The following KCNMA1 variants were observed in gnomAD, a reference collection of about 807,000 sequenced individuals.
KCNMA1 encodes the protein Calcium-activated potassium channel subunit alpha-1.
Under a neutral mutation model 140.0 loss-of-function variants are expected in KCNMA1, and 29 were observed. The ratio of observed to expected loss-of-function variants is 0.21; its 90% CI spans 0.15 to 0.28. The LOEUF (loss-of-function observed/expected upper bound fraction) is 0.28. KCNMA1 is among the 10% of genes least tolerant of loss of function. The pLI is 1.00. For synonymous variants in KCNMA1, 612 were observed against 611.9 expected (o/e 1.00, Z 0.00); for missense variants, 880 against 1,602.2 (o/e 0.55, Z 7.70).
chr10:77,432,183 G>A (rs1329536867), intron 1 of KCNMA1, among the ~76,000 whole-genome samples: 1 of 152,196 alleles, frequency 6.6e-6, no homozygotes, highest in East Asian at 1.9e-4. Flanking sequence ...AGTGCTTAAT[G>A]AGAGGCCAAA....
chr10:77,012,565 G>A (rs1202459562), intron 17 of KCNMA1: 1 of 1,549,400 alleles, frequency 6.5e-7, no homozygotes, highest in South Asian at 1.2e-5. Context: ...GGTCTGCAGA[G>A]AGGGAAAAAC....
chr10:76,909,491 G>A (rs1246343088), intron 25 of KCNMA1, among the ~76,000 whole-genome samples: 1 of 152,114 alleles, frequency 6.6e-6, no homozygotes, highest in East Asian at 1.9e-4. Flanking sequence ...TCAAGGTTCT[G>A]CAGGTCTAAC....
intron 1 of KCNMA1, among the ~76,000 whole-genome samples, chr10:77,486,641 T>C (rs542882821): frequency 1.3e-5 from 2 of 152,362 alleles, no homozygotes; most frequent in African/African-American, 4.8e-5. Context: ...CTGTTATTAA[T>C]GATGGGTACA....
chr10:77,382,990 GTGTGTA>G (rs1470902859), intron 2 of KCNMA1, among the ~76,000 whole-genome samples: 90 of 42,578 alleles, frequency 2.1e-3, no homozygotes, highest in South Asian at 2.8e-3. Flanking sequence ...GTGTGTGTGT[GTGTGTA>G]TATATATATA....
intron 1 of KCNMA1, among the ~76,000 whole-genome samples, chr10:77,601,162 T>A (rs2082516308): frequency 6.6e-6 from 1 of 152,164 alleles, no homozygotes; most frequent in South Asian, 2.1e-4. Context: ...TGATCTCCTT[T>A]GAGCTTCACA....
intron 5 of KCNMA1, chr10:77,140,905 CA>C (rs1173536947): frequency 1.3e-5 from 2 of 152,200 alleles, no homozygotes; most frequent in Non-Finnish European, 2.9e-5. Context: ...TATAATTCCT[CA>C]AATCAAGTGG....
chr10:77,082,275 C>G (rs2096598995), intron 12 of KCNMA1, among the ~76,000 whole-genome samples: 1 of 152,048 alleles, frequency 6.6e-6, no homozygotes, highest in South Asian at 2.1e-4. Context: ...GATCTGCCCA[C>G]CTTGGCCTCC....
intron 9 of KCNMA1, among the ~76,000 whole-genome samples, chr10:77,101,477 G>A (rs1465014100): frequency 6.6e-6 from 1 of 152,168 alleles, no homozygotes; most frequent in African/African-American, 2.4e-5. Context: ...ATAAAGATCG[G>A]TTATTGGGGC....
intron 1 of KCNMA1, among the ~76,000 whole-genome samples, chr10:77,475,400 G>C (rs911672897): frequency 1.3e-5 from 2 of 152,144 alleles, no homozygotes; most frequent in Middle Eastern, 3.2e-3. Flanking sequence ...AGATGCTTTA[G>C]GATTGTGGTT....
chr10:77,039,736 G>T (rs1489452362), intron 14 of KCNMA1, 99 bp from the exon 15 acceptor site: 1 of 757,202 alleles, frequency 1.3e-6, no homozygotes, highest in Non-Finnish European at 2.4e-6. Flanking sequence ...GAATGCACTG[G>T]TTAGATAATG....
chr10:77,411,041 C>A (rs2096607832), intron 1 of KCNMA1, among the ~76,000 whole-genome samples: 1 of 152,214 alleles, frequency 6.6e-6, no homozygotes, highest in Non-Finnish European at 1.5e-5. Context: ...CTTTCTCTGT[C>A]ACCCAGGCTG....
At chr10:77,528,296 A>G (rs1454953718) in intron 1 of KCNMA1, among the ~76,000 whole-genome samples, 1 of 152,184 alleles carries the variant, frequency 6.6e-6, no homozygotes, top group Non-Finnish European at 1.5e-5. Flanking sequence ...TAGCAATCCC[A>G]TTCCTAGGCA....
intron 17 of KCNMA1, among the ~76,000 whole-genome samples, chr10:77,018,711 T>C (rs1278123020): frequency 6.6e-6 from 1 of 152,214 alleles, no homozygotes; most frequent in African/African-American, 2.4e-5. Context: ...CTTGTTATGT[T>C]GTTCTGAATC....
chr10:77,114,738 C>A (rs756561736), intron 6 of KCNMA1, among the ~76,000 whole-genome samples: 75 of 152,310 alleles, frequency 4.9e-4, no homozygotes, highest in Non-Finnish European at 8.2e-4. Context: ...GGTAATTGAT[C>A]CTACTGACTT....
At chr10:77,241,494 T>G (rs918961210) in intron 3 of KCNMA1, among the ~76,000 whole-genome samples, 1 of 150,626 alleles carries the variant, frequency 6.6e-6, no homozygotes, top group Non-Finnish European at 1.5e-5. Context: ...AATAATTTTT[T>G]TTAATTAGCT....
rs191099734 is a variant in KCNMA1 at position 77,200,011 on chromosome 10, T to C, written c.603-15095A>G. Among the ~76,000 whole-genome samples, 257 of 152,224 alleles carry C rather than the reference T, an allele frequency of 1.7e-3. No homozygotes were observed. The Middle Eastern group carries it at 0.02, about 12-fold the overall frequency. ...TGTCACCCAGGCTGGAGTGCAGTGG[T>C]GCGATCTTGGCTCTCTGCAACCTCT... On this transcript the variant is annotated intron_variant, in intron 3 of 27. Coordinates refer to ENST00000286628, the MANE Select transcript of KCNMA1 (RefSeq NM_001161352.2).
At chr10:77,261,195 G>T (rs565726624) in intron 2 of KCNMA1, among the ~76,000 whole-genome samples, 1 of 152,208 alleles carries the variant, frequency 6.6e-6, no homozygotes, top group African/African-American at 2.4e-5. Flanking sequence ...AAACAACAGG[G>T]TTCCCTCTTA....
intron 1 of KCNMA1, among the ~76,000 whole-genome samples, chr10:77,567,748 A>G (rs1220319840): frequency 1.3e-5 from 2 of 152,176 alleles, no homozygotes; most frequent in African/African-American, 2.4e-5. Flanking sequence ...ACCCTTTCCA[A>G]TGCATTATGA....
In KCNMA1 at chr10:76,910,775, G is replaced by A. The variant is rs189305958; in HGVS notation, c.3017-679C>T. 196 of 158,288 alleles carry A rather than the reference G, an allele frequency of 1.2e-3. 1 individual carries two copies. The highest frequency in any genetic ancestry group is 9.0e-3 in the Admixed American group (153 of 16,918). 9.8% of individuals were successfully genotyped at this position (158,288 alleles called of 1,614,324 possible). A position where few individuals can be genotyped will look rare whatever the true frequency, so the allele number is the denominator to read the frequency against. ...TTTTGAGTTGCATGGGGACGCCCAC[G>A]TTCTCCCTTTCCCATCCTAAACAGC... is the stretch of plus-strand genomic sequence containing the variant. On this transcript the variant is annotated intron_variant, in intron 24 of 27. Coordinates refer to ENST00000286628, the MANE Select transcript of KCNMA1 (RefSeq NM_001161352.2).
Sources: gnomAD v4.1 joint callset for allele counts (sites outside exome capture counted in the v4.1 genomes callset) on GRCh38, gnomAD v4.1.1 for gene constraint, MANE v1.5 for transcripts, NCBI Gene and HGNC (gene_info 2026-07-23, HGNC 2026-07-21) for gene names.